DIP2C: variants seen among roughly 807,000 people sequenced by gnomAD.
DIP2C encodes disco-interacting protein 2 homolog C.
Under a neutral mutation model 192.4 loss-of-function variants are expected in DIP2C, and 33 were observed. The ratio of observed to expected loss-of-function variants is 0.17; its 90% CI spans 0.13 to 0.23. The LOEUF (loss-of-function observed/expected upper bound fraction) is 0.23, where lower values mean the gene tolerates loss of function less well. Ranked by LOEUF, DIP2C falls within the 10% of genes least tolerant of loss-of-function variation. DIP2C has a pLI of 1.00. For missense variants in DIP2C, 1,537 were observed against 2,110.1 expected, an observed-to-expected ratio of 0.73 and a Z score of 5.32; for synonymous variants, 979 against 864.1, an observed-to-expected ratio of 1.13 and a Z score of -2.33.
intron 1 of DIP2C, among the ~76,000 whole-genome samples, chr10:592,033 G>A (rs1315027065): frequency 1.3e-5 from 2 of 152,212 alleles, no homozygotes; most frequent in African/African-American, 2.4e-5. Flanking sequence ...GAAAACAGTG[G>A]TAGGGCATGA....
chr10:579,684 G>A (rs566941098), intron 1 of DIP2C, among the ~76,000 whole-genome samples: 2 of 152,060 alleles, frequency 1.3e-5, no homozygotes, highest in East Asian at 1.9e-4. Flanking sequence ...CGTAAGTGCA[G>A]TATAACATGT....
intron 1 of DIP2C, among the ~76,000 whole-genome samples, chr10:661,468 G>A (rs1856757341): frequency 6.6e-6 from 1 of 152,170 alleles, no homozygotes; most frequent in African/African-American, 2.4e-5. Context: ...TGACCCCCAG[G>A]CTCTGGCTGC....
intron 1 of DIP2C, among the ~76,000 whole-genome samples, chr10:540,981 T>C (rs1180234623): frequency 2.0e-5 from 3 of 148,956 alleles, no homozygotes; most frequent in Non-Finnish European, 4.5e-5. Context: ...GGGAAGGATG[T>C]GGGGAGCCAC....
At chr10:554,605 C>T (rs867012112) in intron 1 of DIP2C, among the ~76,000 whole-genome samples, 3 of 152,236 alleles carry the variant, frequency 2.0e-5, no homozygotes, top group South Asian at 2.1e-4. Context: ...GGCAAGACCC[C>T]GGTTCCCTTC....
At chr10:657,155 CGCTGGACCTGAT>C (rs1407058643) in intron 1 of DIP2C, among the ~76,000 whole-genome samples, 3 of 148,604 alleles carry the variant, frequency 2.0e-5, no homozygotes, top group African/African-American at 7.5e-5. Flanking sequence ...CTGGACCTGA[CGCTGGACCTGAT>C]GCTGGACCTC....
chr10:422,767 G>A (rs2133165814), intron 5 of DIP2C, 57 bp downstream of exon 5: 2 of 1,551,790 alleles, frequency 1.3e-6, no homozygotes, highest in Non-Finnish European at 1.7e-6. Context: ...CAGAGAATGT[G>A]CACACACAAA....
At chr10:556,927 CCT>C (rs61077303) in intron 1 of DIP2C, among the ~76,000 whole-genome samples, 24,153 of 151,996 alleles carry the variant, frequency 0.16, 2,849 homozygotes, top group African/African-American at 0.33. Context: ...TGCACTCTCT[CCT>C]CTCTCTCTCC....
intron 8 of DIP2C, 102 bp downstream of exon 8, chr10:413,811 G>C: frequency 7.0e-7 from 1 of 1,427,026 alleles, no homozygotes; most frequent in East Asian, 2.4e-5. Context: ...TTAGCCTCGG[G>C]ATTACCTTAA....
chr10:355,538 TTCCATTTTTCA>T (rs1303652934), intron 24 of DIP2C, among the ~76,000 whole-genome samples: 1 of 152,256 alleles, frequency 6.6e-6, no homozygotes, highest in Non-Finnish European at 1.5e-5. Context: ...TACATTTTTC[TTCCATTTTTCA>T]AGCTTTATTT....
chr10:653,869 AAG>A (rs1228516984), intron 1 of DIP2C, among the ~76,000 whole-genome samples: 2 of 152,230 alleles, frequency 1.3e-5, no homozygotes, highest in African/African-American at 4.8e-5. Context: ...AGACTTGAGA[AAG>A]ACACTCAGAA....
chr10:551,044 G>T (rs941004334), intron 1 of DIP2C, among the ~76,000 whole-genome samples: 11 of 150,340 alleles, frequency 7.3e-5, no homozygotes, highest in Non-Finnish European at 1.5e-5. Context: ...ACTGGACACT[G>T]TGGCTCTGGT....
chr10:638,926 C>T (rs927460186), intron 1 of DIP2C, among the ~76,000 whole-genome samples: 1 of 152,250 alleles, frequency 6.6e-6, no homozygotes, highest in South Asian at 2.1e-4. Context: ...CCCACGGCCA[C>T]CAGGAGGAAA....
chr10:622,158 T>C (rs1157520511), intron 1 of DIP2C, among the ~76,000 whole-genome samples: 2 of 150,674 alleles, frequency 1.3e-5, no homozygotes, highest in Non-Finnish European at 3.0e-5. Flanking sequence ...CTGCTGGGGC[T>C]GCCAAGTCGC....
At chr10:637,754 G>A (rs1854918620) in intron 1 of DIP2C, among the ~76,000 whole-genome samples, 1 of 152,146 alleles carries the variant, frequency 6.6e-6, no homozygotes, top group Admixed American at 6.5e-5. Flanking sequence ...AAAACAAAGA[G>A]GTCTTCAGAG....
At chr10:598,730 AG>A (rs1445266669) in intron 1 of DIP2C, among the ~76,000 whole-genome samples, 19 of 152,230 alleles carry the variant, frequency 1.2e-4, no homozygotes, top group Non-Finnish European at 2.8e-4. Context: ...GATTCTCTTA[AG>A]TTTGAGAATA....
At chr10:567,669 T>A (rs185080892) in intron 1 of DIP2C, among the ~76,000 whole-genome samples, 2 of 152,312 alleles carry the variant, frequency 1.3e-5, no homozygotes, top group East Asian at 3.9e-4. Context: ...TGTGACAGTC[T>A]CGCTGTTGTC....
intron 3 of DIP2C, among the ~76,000 whole-genome samples, chr10:441,605 T>G (rs761272682): frequency 6.6e-6 from 1 of 152,166 alleles, no homozygotes; most frequent in African/African-American, 2.4e-5. Flanking sequence ...TTATTAGAGG[T>G]TTCCGCTTTT....
intron 35 of DIP2C, among the ~76,000 whole-genome samples, chr10:282,778 T>C (rs1403805521): frequency 6.6e-6 from 1 of 152,248 alleles, no homozygotes; most frequent in Non-Finnish European, 1.5e-5. Context: ...GATGAATGCA[T>C]GGGCAGAGAC....
At chr10:334,304 C>CAA (rs35031456) in intron 29 of DIP2C, among the ~76,000 whole-genome samples, 9,706 of 82,394 alleles carry the variant, frequency 0.12, 1,342 homozygotes, top group East Asian at 0.16. Flanking sequence ...AAGACTGTCT[C>CAA]AAAAAAAAAA....
Sources: gnomAD v4.1 joint callset for allele counts (sites outside exome capture counted in the v4.1 genomes callset) on GRCh38, gnomAD v4.1.1 for gene constraint, MANE v1.5 for transcripts, NCBI Gene and HGNC (gene_info 2026-07-23, HGNC 2026-07-21) for gene names.